The following AFG2A variants were observed in gnomAD, a reference collection of about 807,000 sequenced individuals.
AFG2A encodes ATPase family gene 2 protein homolog A.
chr4:122,977,670 C>T, the AFG2A span, among the ~76,000 whole-genome samples: 1 of 152,242 alleles, frequency 6.6e-6, no homozygotes, highest in Non-Finnish European at 1.5e-5. Flanking sequence ...TGTGTTACAG[C>T]TCTTTCAGTC....
At chr4:123,209,328 A>G in the AFG2A span, among the ~76,000 whole-genome samples, 2 of 152,150 alleles carry the variant, frequency 1.3e-5, no homozygotes, top group African/African-American at 4.8e-5. Flanking sequence ...GAAATGAATG[A>G]TTACTTGGTA....
chr4:123,113,759 T>C, the AFG2A span, among the ~76,000 whole-genome samples: 1 of 152,176 alleles, frequency 6.6e-6, no homozygotes, highest in Non-Finnish European at 1.5e-5. Context: ...TGAGTTCTTG[T>C]CCTGCATCTA....
the AFG2A span, among the ~76,000 whole-genome samples, chr4:123,299,725 G>C: frequency 1.3e-5 from 2 of 152,094 alleles, no homozygotes; most frequent in African/African-American, 4.8e-5. Flanking sequence ...AAGTATATGA[G>C]TACAGTCCTA....
the AFG2A span, among the ~76,000 whole-genome samples, chr4:123,042,613 T>C: frequency 2.0e-5 from 3 of 152,198 alleles, no homozygotes; most frequent in Non-Finnish European, 2.9e-5. Flanking sequence ...TGTTTGCCAT[T>C]TCTGTTCTTT....
At chr4:123,167,289 G>A in the AFG2A span, among the ~76,000 whole-genome samples, 1 of 150,018 alleles carries the variant, frequency 6.7e-6, no homozygotes, top group Non-Finnish European at 1.5e-5. Context: ...TTTTTGGGGG[G>A]TCCTACTTAG....
the AFG2A span, among the ~76,000 whole-genome samples, chr4:122,975,637 AG>A: frequency 6.6e-6 from 1 of 152,128 alleles, no homozygotes; most frequent in East Asian, 1.9e-4. Context: ...GAGCCTTTAT[AG>A]GCTTGCATCA....
At chr4:123,173,885 A>T in the AFG2A span, among the ~76,000 whole-genome samples, 3 of 152,184 alleles carry the variant, frequency 2.0e-5, no homozygotes, top group Non-Finnish European at 4.4e-5. Context: ...ACAAAAGCCT[A>T]CAACAAATAT....
chr4:122,981,349 T>A, the AFG2A span, among the ~76,000 whole-genome samples: 1 of 47,450 alleles, frequency 2.1e-5, no homozygotes, highest in East Asian at 1.5e-3. Context: ...GATTTATTTC[T>A]GGGCTCTCTA....
the AFG2A span, among the ~76,000 whole-genome samples, chr4:122,985,389 A>G: frequency 6.6e-6 from 1 of 152,020 alleles, no homozygotes; most frequent in Non-Finnish European, 1.5e-5. Flanking sequence ...TCGGCCTCTG[A>G]ATGTGCTGGG....
chr4:123,052,914 C>T, the AFG2A span, among the ~76,000 whole-genome samples: 1 of 152,292 alleles, frequency 6.6e-6, no homozygotes, highest in African/African-American at 2.4e-5. Flanking sequence ...TGGCAAACCA[C>T]TGGTGTAGGT....
chr4:123,240,335 C>G, the AFG2A span, among the ~76,000 whole-genome samples: 1 of 152,186 alleles, frequency 6.6e-6, no homozygotes, highest in Non-Finnish European at 1.5e-5. Flanking sequence ...ACATTCTTCT[C>G]AGCACCACGT....
chr4:122,962,098 T>C, the AFG2A span, among the ~76,000 whole-genome samples: 8 of 152,136 alleles, frequency 5.3e-5, no homozygotes, highest in African/African-American at 1.4e-4. Flanking sequence ...ACGTGCACAA[T>C]TCACAGTGGA....
the AFG2A span, among the ~76,000 whole-genome samples, chr4:123,089,413 C>G: frequency 1.3e-5 from 2 of 152,124 alleles, no homozygotes; most frequent in Non-Finnish European, 2.9e-5. Flanking sequence ...GTTTAATACG[C>G]TTACAATGCT....
chr4:123,019,137 A>G, the AFG2A span, among the ~76,000 whole-genome samples: 2 of 152,120 alleles, frequency 1.3e-5, no homozygotes, highest in Non-Finnish European at 2.9e-5. Flanking sequence ...AATTTAACAT[A>G]TGCTCTCCTG....
At chr4:123,229,876 G>C in the AFG2A span, among the ~76,000 whole-genome samples, 1 of 151,878 alleles carries the variant, frequency 6.6e-6, no homozygotes, top group African/African-American at 2.4e-5. Context: ...ATACTTTAGA[G>C]ATATCGTATG....
At chr4:123,028,526 T>G in the AFG2A span, 1 of 691,982 alleles carries the variant, frequency 1.4e-6, no homozygotes, top group South Asian at 1.9e-5. Flanking sequence ...TATTTGATGT[T>G]GATGGCAATA....
At chr4:123,227,153 G>A in the AFG2A span, among the ~76,000 whole-genome samples, 8 of 151,806 alleles carry the variant, frequency 5.3e-5, no homozygotes, top group African/African-American at 1.7e-4. Context: ...GATCTTTTCA[G>A]AAAACCAGCT....
chr4:123,069,622 T>A, the AFG2A span, among the ~76,000 whole-genome samples: 1 of 152,202 alleles, frequency 6.6e-6, no homozygotes, highest in African/African-American at 2.4e-5. Context: ...GAGCACAGAA[T>A]CTTACAGTAT....
At chr4:123,007,608 G>GTGTGTGTGTATATA in the AFG2A span, among the ~76,000 whole-genome samples, 7 of 18,158 alleles carry the variant, frequency 3.9e-4, no homozygotes, top group African/African-American at 1.2e-3. Flanking sequence ...GTGTGTGTGT[G>GTGTGTGTGTATATA]TATATATATA....
Sources: gnomAD v4.1 joint callset for allele counts (sites outside exome capture counted in the v4.1 genomes callset) on GRCh38, gnomAD v4.1.1 for gene constraint, MANE v1.5 for transcripts, NCBI Gene and HGNC (gene_info 2026-07-23, HGNC 2026-07-21) for gene names.